The following NDUFV2 variants were observed in gnomAD, a reference collection of about 807,000 sequenced individuals.
NDUFV2 encodes NADH dehydrogenase [ubiquinone] flavoprotein 2, mitochondrial.
NDUFV2 carries 18 observed loss-of-function variants against 31.6 expected under a neutral mutation model. That is an observed-to-expected ratio of 0.57 (90% CI 0.39 to 0.84). The LOEUF is 0.84. Ranked by LOEUF, NDUFV2 falls within the 40% of genes least tolerant of loss-of-function variation. The probability of loss-of-function intolerance (pLI) is 0.00; values close to 1 mark genes in which losing one functional copy is unlikely to be tolerated. For synonymous variants in NDUFV2, 83 were observed against 99.8 expected (o/e 0.83, Z 1.01); for missense variants, 314 against 303.6 (o/e 1.03, Z -0.26).
intron 1 of NDUFV2, among the ~76,000 whole-genome samples, chr18:9,114,301 CAT>C (rs1378597846): frequency 6.6e-6 from 1 of 152,048 alleles, no homozygotes; most frequent in Non-Finnish European, 1.5e-5. Context: ...AAGCATTATA[CAT>C]ATGGATATAA....
chr18:9,122,232 GAA>G (rs1307225525), intron 4 of NDUFV2, among the ~76,000 whole-genome samples: 4 of 152,146 alleles, frequency 2.6e-5, no homozygotes, highest in Non-Finnish European at 5.9e-5. Context: ...TAGAGAAAAA[GAA>G]TATCCTTTTA....
At chr18:9,134,081 G>A in intron 7 of NDUFV2, 105 bp from the exon 8 acceptor site, 1 of 780,046 alleles carries the variant, frequency 1.3e-6, no homozygotes, top group South Asian at 1.5e-5. Flanking sequence ...AGTTCTTAGG[G>A]TAAAAATAGT....
In NDUFV2 at chr18:9,126,905, A is replaced by G. The variant is rs2077995963; in HGVS notation, c.654A>G (p.Pro218=). The G allele has an allele frequency of 6.2e-7, 1 of 1,612,604 alleles. No homozygotes were observed. The highest frequency in any genetic ancestry group is 8.5e-7 in the Non-Finnish European group (1 of 1,178,670). ...CTGGCAAAATCCCAAAACCAGGGCCAAGGTATGCTTTATTTATATATAGGA... is the reference window on the plus strand; with the variant it reads ...CTGGCAAAATCCCAAAACCAGGGCCGAGGTATGCTTTATTTATATATAGGA... ...LKAGKIPKPG[P]RSGRFSCEPA... is the part of the protein sequence containing the mutation. The change falls in exon 7 of 8, where the codon CCA becomes CCG. Residue 218 remains proline (P), a splice_region_variant and synonymous_variant. Coordinates refer to ENST00000318388, the MANE Select transcript of NDUFV2 (RefSeq NM_021074.5).
chr18:9,120,948 A>G (rs938237600), intron 4 of NDUFV2, among the ~76,000 whole-genome samples: 10 of 152,158 alleles, frequency 6.6e-5, no homozygotes, highest in Admixed American at 3.9e-4. Flanking sequence ...AAGAAACTGA[A>G]AGTGAAAACA....
intron 1 of NDUFV2, among the ~76,000 whole-genome samples, chr18:9,116,643 T>C (rs1568189676): frequency 6.6e-6 from 1 of 152,254 alleles, no homozygotes. Flanking sequence ...AGTCTTTTCT[T>C]GTTAATTAAA....
intron 6 of NDUFV2, 61 bp downstream of exon 6, chr18:9,125,044 T>TA: frequency 6.5e-7 from 1 of 1,528,246 alleles, no homozygotes; most frequent in Non-Finnish European, 8.9e-7. Flanking sequence ...ACATTTTAAA[T>TA]ATTTGATTTT....
intron 1 of NDUFV2, among the ~76,000 whole-genome samples, chr18:9,108,436 A>G (rs2077852404): frequency 6.6e-6 from 1 of 152,198 alleles, no homozygotes; most frequent in Admixed American, 6.5e-5. Flanking sequence ...TAGCTGTGTG[A>G]GCTAGGGAAA....
chr18:9,108,245 TA>T, intron 1 of NDUFV2, among the ~76,000 whole-genome samples: 1 of 152,366 alleles, frequency 6.6e-6, no homozygotes, highest in Non-Finnish European at 1.5e-5. Context: ...CATAGTATGG[TA>T]AAAATTACTT....
At chr18:9,119,701 A>G (rs1022887324) in intron 4 of NDUFV2, 111 bp downstream of exon 4, 15 of 898,550 alleles carry the variant, frequency 1.7e-5, no homozygotes, top group Non-Finnish European at 2.7e-5. Context: ...AGGATTTTGG[A>G]GCCCTTTAGC....
intron 7 of NDUFV2, chr18:9,132,350 A>G (rs182232948): frequency 2.0e-5 from 3 of 152,284 alleles, no homozygotes; most frequent in Admixed American, 6.5e-5. Flanking sequence ...TATCTATCCA[A>G]ACTGGTAAGA....
chr18:9,122,148 C>A (rs530600344), intron 4 of NDUFV2, among the ~76,000 whole-genome samples: 5 of 152,070 alleles, frequency 3.3e-5, no homozygotes, highest in African/African-American at 1.2e-4. Context: ...AATTTTTTGC[C>A]ATTTAGACAG....
chr18:9,120,905 G>A (rs1395192770), intron 4 of NDUFV2, among the ~76,000 whole-genome samples: 3 of 152,094 alleles, frequency 2.0e-5, no homozygotes, highest in East Asian at 1.9e-4. Context: ...ATCTTGCTGA[G>A]TGGCACGTTA....
rs1225460968 is a variant in NDUFV2 at position 9,122,548 on chromosome 18, A to G, written c.336A>G (p.Val112=). Residue 112 remains valine, a synonymous_variant, in exon 5 of 8, where the codon GTA becomes GTG. Transcript: ENST00000318388. ...TTTTACAAGTACCTCCAATGAGAGTATATGAAGTAGCAACTTTTTATACAA... is the reference window on the plus strand; with the variant it reads ...TTTTACAAGTACCTCCAATGAGAGTGTATGAAGTAGCAACTTTTTATACAA... ...AEVLQVPPMR[V]YEVATFYTMY... is the part of the protein sequence containing the mutation. 6.2e-7 allele frequency: 1 copy of G among 1,613,938 alleles called. No homozygotes were observed. The highest frequency in any genetic ancestry group is 1.7e-5 in the Admixed American group (1 of 60,030).
intron 5 of NDUFV2, among the ~76,000 whole-genome samples, chr18:9,123,888 T>G (rs1423543614): frequency 6.6e-6 from 1 of 152,224 alleles, no homozygotes; most frequent in African/African-American, 2.4e-5. Context: ...AGAAGTAGAA[T>G]TGTAGGGTCA....
intron 1 of NDUFV2, chr18:9,104,823 G>A (rs370087204): frequency 2.4e-5 from 25 of 1,035,662 alleles, no homozygotes; most frequent in Admixed American, 1.5e-4. Context: ...CACGTCATAC[G>A]TGTGTAGAAA....
In NDUFV2 at chr18:9,102,707, C is replaced by CTGGCGCGGCTGGGGAAGGTGAACAGTG; in HGVS notation, c.-32_-6dup. ...CCCTGGGCGCGCTCGGGATTCTCGC[C>CTGGCGCGGCTGGGGAAGGTGAACAGTG]TGGCGCGGCTGGGGAAGGTGAACAG... On this transcript the variant is annotated 5_prime_UTR_variant, in exon 1 of 8. Coordinates refer to ENST00000318388, the MANE Select transcript of NDUFV2 (RefSeq NM_021074.5). The CTGGCGCGGCTGGGGAAGGTGAACAGTG allele has an allele frequency of 6.4e-7, 1 of 1,568,262 alleles. No homozygotes were observed. The highest frequency in any genetic ancestry group is 1.2e-5 in the South Asian group (1 of 85,304).
At chr18:9,126,091 G>T (rs2077988204) in intron 6 of NDUFV2, among the ~76,000 whole-genome samples, 1 of 152,134 alleles carries the variant, frequency 6.6e-6, no homozygotes, top group African/African-American at 2.4e-5. Flanking sequence ...CTTATTTCTT[G>T]ATTTAAATAG....
intron 4 of NDUFV2, among the ~76,000 whole-genome samples, chr18:9,120,868 T>C (rs1316679357): frequency 1.3e-5 from 2 of 152,158 alleles, no homozygotes; most frequent in African/African-American, 4.8e-5. Flanking sequence ...AAAAATCATA[T>C]TTTTAGTAAT....
intron 7 of NDUFV2, among the ~76,000 whole-genome samples, chr18:9,130,146 C>CA (rs2078027499): frequency 6.6e-6 from 1 of 152,126 alleles, no homozygotes; most frequent in South Asian, 2.1e-4. Flanking sequence ...GCTGGAAACA[C>CA]AAATTGGGGA....
Sources: allele counts gnomAD v4.1 joint callset (sites outside exome capture counted in the v4.1 genomes callset), GRCh38; gene constraint gnomAD v4.1.1; transcripts MANE v1.5; gene names NCBI Gene and HGNC (gene_info 2026-07-23, HGNC 2026-07-21).